Variants in SCAP observed in about 807,000 individuals in gnomAD.
The protein encoded by SCAP is sterol regulatory element-binding protein cleavage-activating protein.
A neutral mutation model predicts 123.6 loss-of-function variants in SCAP; 65 were observed. That is an observed-to-expected ratio of 0.53 (90% CI 0.43 to 0.65). The LOEUF (loss-of-function observed/expected upper bound fraction) is 0.65. Among genes scored for constraint, SCAP ranks in the 30% least tolerant of loss-of-function variants. SCAP has a pLI of 0.00. For missense variants in SCAP, 1,398 were observed against 1,712.5 expected, an observed-to-expected ratio of 0.82 and a Z score of 3.24; for synonymous variants, 740 against 726.3, an observed-to-expected ratio of 1.02 and a Z score of -0.30.
chr3:47,464,284 G>A (rs1348732720), intron 1 of SCAP, among the ~76,000 whole-genome samples: 2 of 152,078 alleles, frequency 1.3e-5, no homozygotes, highest in Non-Finnish European at 1.5e-5. Flanking sequence ...TCAAAGTGCT[G>A]GGATTACAGG....
intron 3 of SCAP, among the ~76,000 whole-genome samples, chr3:47,430,349 T>C (rs1706305745): frequency 6.6e-6 from 1 of 152,058 alleles, no homozygotes; most frequent in South Asian, 2.1e-4. Flanking sequence ...ATGACAAGAG[T>C]GTTCACATAT....
intron 1 of SCAP, among the ~76,000 whole-genome samples, chr3:47,456,405 C>T (rs1374685068): frequency 6.6e-6 from 1 of 151,752 alleles, no homozygotes; most frequent in Non-Finnish European, 1.5e-5. Flanking sequence ...CCTGCCTCAA[C>T]ATAAAAATAA....
At chr3:47,427,728 ACTTAGGGGACATCCTCTGTCTGTT>A in intron 4 of SCAP, 61 bp from the exon 5 acceptor site, 1 of 1,409,702 alleles carries the variant, frequency 7.1e-7, no homozygotes, top group Non-Finnish European at 9.8e-7. Context: ...GACCTGCTGT[ACTTAGGGGACATCCTCTGTCTGTT>A]CTTCAATGCC....
intron 1 of SCAP, among the ~76,000 whole-genome samples, chr3:47,470,692 A>G (rs1707993837): frequency 6.6e-6 from 1 of 152,164 alleles, no homozygotes; most frequent in African/African-American, 2.4e-5. Context: ...GTGAAATCCC[A>G]TCTACTAAAA....
At chr3:47,474,496 T>A (rs1708192771) in intron 1 of SCAP, among the ~76,000 whole-genome samples, 1 of 151,872 alleles carries the variant, frequency 6.6e-6, no homozygotes, top group Admixed American at 6.6e-5. Context: ...ACACACATTT[T>A]AAAAGATACA....
chr3:47,413,968 A>G lies in SCAP; in HGVS notation c.3726T>C (p.Ser1242=), dbSNP rs766751950. ...GGATCTGGCGGGCAGGCTGGGCCTCACTGTTCTTCCCCAGGTAGACTGTCT... is the reference window on the plus strand; with the variant it reads ...GGATCTGGCGGGCAGGCTGGGCCTCGCTGTTCTTCCCCAGGTAGACTGTCT... ...LLQTVYLGKN[S]EAQPARQILV... Residue 1242 remains serine (S), a synonymous_variant, in exon 23 of 23, where the codon AGT becomes AGC. Coordinates refer to ENST00000265565, the MANE Select transcript of SCAP (RefSeq NM_012235.4). 16 of 1,613,250 alleles carry G rather than the reference A, an allele frequency of 9.9e-6. No individual in the cohort carries two copies. In the South Asian group the frequency reaches 1.5e-4, roughly 15 times the overall value.
At chr3:47,455,594 CAAAAA>C (rs544006040) in intron 1 of SCAP, among the ~76,000 whole-genome samples, 1 of 42,432 alleles carries the variant, frequency 2.4e-5, no homozygotes, top group Non-Finnish European at 5.0e-5. Context: ...GACTCCACCT[CAAAAA>C]AAAAAAAAAA....
rs778452156 is a variant in SCAP at position 47,439,480 on chromosome 3, AG to A, written c.122+3391del. On this transcript the variant is annotated intron_variant, in intron 2 of 22. Coordinates refer to ENST00000265565, the MANE Select transcript of SCAP (RefSeq NM_012235.4). This position sits in a 1 kb window ranked among gnomAD's most constrained non-coding sequence, Gnocchi z 4.0. ...AAATCCACCTCTCACCATGAGCAGC[AG>A]CTTGTTGAATCAAATGTCTCAATGA... is the stretch of plus-strand genomic sequence containing the variant. 1.7e-4 allele frequency among the ~76,000 whole-genome samples: 26 copies of A among 152,238 alleles called. No individual in the cohort carries two copies. Among genetic ancestry groups the A allele is most frequent in the Non-Finnish European group, 2.1e-4 (14 of 68,038 alleles).
intron 18 of SCAP, among the ~76,000 whole-genome samples, chr3:47,416,696 G>A (rs925493338): frequency 4.4e-5 from 6 of 137,152 alleles, no homozygotes; most frequent in Admixed American, 4.1e-4. Flanking sequence ...GCGGGATCTC[G>A]GCTCACTGCA....
chr3:47,475,744 C>T (rs1708245202), intron 1 of SCAP, 55 bp downstream of exon 1: 1 of 153,526 alleles, frequency 6.5e-6, no homozygotes, highest in African/African-American at 2.4e-5. Context: ...CTCCACGCGG[C>T]TGGGGTCGAG....
At chr3:47,436,536 G>A (rs1478988725) in intron 2 of SCAP, among the ~76,000 whole-genome samples, 2 of 152,092 alleles carry the variant, frequency 1.3e-5, no homozygotes, top group Admixed American at 6.5e-5. Flanking sequence ...GGCTGAGGCA[G>A]GAGGATCATC....
chr3:47,457,410 A>C (rs566943105), intron 1 of SCAP, among the ~76,000 whole-genome samples: 1 of 152,198 alleles, frequency 6.6e-6, no homozygotes, highest in South Asian at 2.1e-4. Flanking sequence ...AGCCTCCTGG[A>C]TTGACTGCGT....
At position 47,428,577 on chromosome 3, in the gene SCAP, G is replaced by A. The variant is rs768447765; in HGVS notation, c.346C>T (p.Arg116Cys). The change falls in exon 4 of 23, where the codon CGT (arginine) becomes TGT (cysteine). Residue 116 changes from arginine to cysteine, a missense_variant. Arg to Cys is a radical substitution (Grantham distance 180). Transcript: ENST00000265565. ...TGGAATGCCCGGGACAAAGGTGAAC[G>A]AAATACATCTACTGCCAGGAGGTTC... ...HKNLLAVDVF[R>C]SPLSRAFQLV... 7 of 1,614,192 alleles carry A rather than the reference G, an allele frequency of 4.3e-6. No individual in the cohort carries two copies. Among genetic ancestry groups the A allele is most frequent in the Admixed American group, 1.7e-5 (1 of 60,022 alleles).
intron 18 of SCAP, among the ~76,000 whole-genome samples, chr3:47,415,465 A>G (rs192125533): frequency 2.4e-4 from 36 of 152,266 alleles, no homozygotes; most frequent in Admixed American, 2.3e-3. Context: ...TACCTGGTGA[A>G]TATCACGTAA....
At chr3:47,425,698 C>G in intron 7 of SCAP, 87 bp from the exon 8 acceptor site, 1 of 1,455,346 alleles carries the variant, frequency 6.9e-7, no homozygotes, top group South Asian at 1.2e-5. Flanking sequence ...CCCTGACAGT[C>G]GAGGAAGGGA....
chr3:47,434,439 G>A (rs974867096), intron 3 of SCAP, among the ~76,000 whole-genome samples: 1 of 152,198 alleles, frequency 6.6e-6, no homozygotes, highest in Admixed American at 6.5e-5. Flanking sequence ...CTCAACTGAA[G>A]ACCTTTTTTC....
chr3:47,425,362 C>CA, intron 8 of SCAP, 123 bp downstream of exon 8: 1 of 1,092,384 alleles, frequency 9.2e-7, no homozygotes, highest in East Asian at 2.6e-5. Context: ...TCTTAAATGT[C>CA]AAAAACAACA....
At chr3:47,429,384 G>C (rs1706270926) in intron 3 of SCAP, among the ~76,000 whole-genome samples, 1 of 152,172 alleles carries the variant, frequency 6.6e-6, no homozygotes, top group African/African-American at 2.4e-5. Flanking sequence ...TTTGAGACAG[G>C]GTCTTGCTCT....
chr3:47,475,711 G>C (rs1196253076), intron 1 of SCAP, 88 bp downstream of exon 1: 1 of 153,160 alleles, frequency 6.5e-6, no homozygotes, highest in Non-Finnish European at 1.5e-5. Context: ...CGAACCTAGC[G>C]GCCCCCATTC....
Sources: allele counts gnomAD v4.1 joint callset (sites outside exome capture counted in the v4.1 genomes callset), GRCh38; gene constraint gnomAD v4.1.1; non-coding constraint Gnocchi (gnomAD v3.1); transcripts MANE v1.5; gene names NCBI Gene and HGNC (gene_info 2026-07-23, HGNC 2026-07-21).